Variants in ZNF560 observed in about 807,000 individuals in gnomAD.
ZNF560 encodes the protein zinc finger protein 560.
ZNF560 carries 54 observed loss-of-function variants against 81.8 expected under a neutral mutation model. That is an observed-to-expected ratio of 0.66 (90% CI 0.53 to 0.83). ZNF560 has a LOEUF of 0.83. Among genes scored for constraint, ZNF560 ranks in the 40% least tolerant of loss-of-function variants. The probability of loss-of-function intolerance (pLI) is 0.00; values close to 1 mark genes in which losing one functional copy is unlikely to be tolerated. For synonymous variants in ZNF560, 321 were observed against 317.9 expected (o/e 1.01, Z -0.10); for missense variants, 940 against 932.4 (o/e 1.01, Z -0.11).
In ZNF560 at chr19:9,489,605, AT is replaced by A. The variant is rs112506039; in HGVS notation, c.-57+8522del. ...CTTTATAAATTACCCAGTCTCATGT[AT>A]TTTTTTTTTTTTGAGACATGTCACC... On this transcript the variant is annotated intron_variant, in intron 2 of 9. Coordinates refer to ENST00000301480, the MANE Select transcript of ZNF560 (RefSeq NM_152476.3). Among the ~76,000 whole-genome samples the A allele has an allele frequency of 3.7e-3, 536 of 144,818 alleles. 3 individuals carry two copies. The highest frequency in any genetic ancestry group is 7.5e-3 in the African/African-American group (299 of 39,840).
the ZNF560 span, among the ~76,000 whole-genome samples, chr19:9,455,655 G>A: frequency 6.6e-6 from 1 of 152,206 alleles, no homozygotes; most frequent in Non-Finnish European, 1.5e-5. Flanking sequence ...TCTTAAAAAG[G>A]TGATTGCAGA....
the ZNF560 span, among the ~76,000 whole-genome samples, chr19:9,459,673 C>T: frequency 1.3e-5 from 2 of 151,844 alleles, no homozygotes; most frequent in Non-Finnish European, 2.9e-5. Context: ...GTGGTGAGGA[C>T]GTGTGGACAT....
intron 8 of ZNF560, 41 bp downstream of exon 8, chr19:9,469,589 G>C (rs747764629): frequency 1.3e-6 from 2 of 1,579,198 alleles, no homozygotes; most frequent in African/African-American, 2.7e-5. Flanking sequence ...AACGTACTGA[G>C]AACTTCTCAT....
intron 7 of ZNF560, among the ~76,000 whole-genome samples, 161 bp downstream of exon 7, chr19:9,470,231 C>T (rs1290458684): frequency 1.3e-5 from 2 of 152,178 alleles, no homozygotes; most frequent in Non-Finnish European, 2.9e-5. Context: ...AGTACAGGAA[C>T]TGTCTCTGTT....
chr19:9,480,126 T>TAACAA lies in ZNF560; in HGVS notation c.-56-4762_-56-4758dup, dbSNP rs1377891195. ...AACTACACTTTAGACCAAAACAATC[T>TAACAA]AACAACATACACAGAACATTCCATC... On this transcript the variant is annotated intron_variant, in intron 2 of 9. Coordinates refer to ENST00000301480, the MANE Select transcript of ZNF560 (RefSeq NM_152476.3). Among the ~76,000 whole-genome samples the TAACAA allele has an allele frequency of 2.7e-4, 41 of 152,262 alleles. No homozygotes were observed. The East Asian group carries it at 7.7e-3, about 29-fold the overall frequency.
intron 2 of ZNF560, among the ~76,000 whole-genome samples, chr19:9,480,703 G>A (rs1439092750): frequency 2.0e-5 from 3 of 152,002 alleles, no homozygotes; most frequent in African/African-American, 7.2e-5. Flanking sequence ...ACTTTGGGAG[G>A]CTGAGTTAAA....
intron 3 of ZNF560, 118 bp downstream of exon 3, chr19:9,475,166 G>T: frequency 9.6e-7 from 1 of 1,046,640 alleles, no homozygotes; most frequent in Non-Finnish European, 1.4e-6. Flanking sequence ...GTGACTCAGT[G>T]CTTGAGTGAG....
At position 9,466,867 on chromosome 19, in the gene ZNF560, G is replaced by A. The variant is rs144007259; in HGVS notation, c.2080C>T (p.Arg694Ter). Residue 694 changes from arginine to a stop codon, truncating the protein, a stop_gained, in exon 10 of 10, where the codon CGA becomes TGA. Coordinates refer to ENST00000301480, the MANE Select transcript of ZNF560 (RefSeq NM_152476.3). LOFTEE classifies it high-confidence loss of function. ...SECNACGNSF[R>*]NSMCFHDRLK... ...CGATCATGAAAGCACATGGAATTTC[G>A]AAAGGAATTTCCACATGCGTTACAT... The A allele has an allele frequency of 2.8e-4, 453 of 1,613,630 alleles. No individual in the cohort carries two copies. Among genetic ancestry groups the A allele is most frequent in the Admixed American group, 1.2e-3 (72 of 59,986 alleles).
At chr19:9,481,132 T>A (rs1489373823) in intron 2 of ZNF560, among the ~76,000 whole-genome samples, 1 of 146,174 alleles carries the variant, frequency 6.8e-6, no homozygotes, top group Admixed American at 6.8e-5. Context: ...ATCTACACCA[T>A]GTGATCTTTG....
In ZNF560 at chr19:9,466,857, A is replaced by C; in HGVS notation, c.2090T>G (p.Met697Arg). 6.2e-7 allele frequency: 1 copy of C among 1,613,962 alleles called. No homozygotes were observed. The highest frequency in any genetic ancestry group is 8.5e-7 in the Non-Finnish European group (1 of 1,179,980). ...AGTTTTTAAGCGATCATGAAAGCAC[A>C]TGGAATTTCGAAAGGAATTTCCACA... ...NACGNSFRNSMCFHDRLKTLT... is the reference protein window; with the variant it reads ...NACGNSFRNSRCFHDRLKTLT... Residue 697 changes from methionine (M) to arginine (R), a missense_variant, in exon 10 of 10, where the codon ATG becomes AGG. Transcript: ENST00000301480.
At chr19:9,502,308 T>C (rs1373724495), upstream of ZNF560, among the ~76,000 whole-genome samples, 1 of 151,758 alleles carries the variant, frequency 6.6e-6, no homozygotes, top group Non-Finnish European at 1.5e-5. Flanking sequence ...ACCTCCCAGG[T>C]TCAAGCAATT....
At chr19:9,465,698 A>G (rs528365621), downstream of ZNF560, among the ~76,000 whole-genome samples, 1 of 152,348 alleles carries the variant, frequency 6.6e-6, no homozygotes, top group African/African-American at 2.4e-5. Flanking sequence ...TCCTTACATA[A>G]AATGGGTTTC....
At chr19:9,464,522 A>G (rs537342332), downstream of ZNF560, among the ~76,000 whole-genome samples, 54 of 152,342 alleles carry the variant, frequency 3.5e-4, no homozygotes, top group African/African-American at 1.3e-3. Flanking sequence ...ACCCTTCTTC[A>G]ACCCTGACCA....
rs960973056 is a variant in ZNF560, at chr19:9,485,361, T to A, written c.-56-9992A>T. Among the ~76,000 whole-genome samples the A allele has an allele frequency of 2.6e-5, 4 of 151,910 alleles. 1 individual carries two copies. Among genetic ancestry groups the A allele is most frequent in the Admixed American group, 1.3e-4 (2 of 15,262 alleles). On this transcript the variant is annotated intron_variant, in intron 2 of 9. Transcript: ENST00000301480. ...AGGATTTATCCCTGGAATGCACGGA[T>A]GGTTCAACATATGCAAATCAATGTG... is the stretch of plus-strand genomic sequence containing the variant.
upstream of ZNF560, among the ~76,000 whole-genome samples, chr19:9,503,198 G>T (rs954699719): frequency 6.6e-6 from 1 of 152,004 alleles, no homozygotes; most frequent in Non-Finnish European, 1.5e-5. Flanking sequence ...TGCAGCTTGG[G>T]GGACCAGAGC....
intron 2 of ZNF560, among the ~76,000 whole-genome samples, chr19:9,476,808 T>C (rs1005859513): frequency 2.6e-5 from 4 of 152,222 alleles, no homozygotes; most frequent in Non-Finnish European, 5.9e-5. Flanking sequence ...TATTTTTTCA[T>C]AGCAGTGAGA....
At chr19:9,494,199 G>T (rs964988646) in intron 2 of ZNF560, among the ~76,000 whole-genome samples, 1 of 151,942 alleles carries the variant, frequency 6.6e-6, no homozygotes, top group African/African-American at 2.4e-5. Flanking sequence ...TCACTTAGGG[G>T]TGAGAAATTC....
intron 2 of ZNF560, among the ~76,000 whole-genome samples, chr19:9,475,607 C>CA (rs895647827): frequency 3.6e-5 from 5 of 139,946 alleles, no homozygotes; most frequent in Non-Finnish European, 6.2e-5. Flanking sequence ...GGTAAAGAAA[C>CA]TTTTTTTTTT....
chr19:9,456,205 G>A, the ZNF560 span, among the ~76,000 whole-genome samples: 39 of 152,320 alleles, frequency 2.6e-4, no homozygotes, highest in East Asian at 7.0e-3. Context: ...CACCAGGGCT[G>A]TGAGTCTCCT....
Sources: gnomAD v4.1 joint callset for allele counts (sites outside exome capture counted in the v4.1 genomes callset) on GRCh38, gnomAD v4.1.1 for gene constraint, MANE v1.5 for transcripts, NCBI Gene and HGNC (gene_info 2026-07-23, HGNC 2026-07-21) for gene names.